TMEM117: variants seen among roughly 807,000 people sequenced by gnomAD.
The protein encoded by TMEM117 is transmembrane protein 117.
Under a neutral mutation model 52.4 loss-of-function variants are expected in TMEM117, and 27 were observed. The ratio of observed to expected loss-of-function variants is 0.51; its 90% CI spans 0.38 to 0.71. TMEM117 has a LOEUF of 0.71. Ranked by LOEUF, TMEM117 falls within the 30% of genes least tolerant of loss-of-function variation. The pLI is 0.00. For synonymous variants in TMEM117, 215 were observed against 206.3 expected (o/e 1.04, Z -0.36); for missense variants, 556 against 630.5 (o/e 0.88, Z 1.26).
intron 3 of TMEM117, among the ~76,000 whole-genome samples, chr12:44,001,599 A>C (rs958195105): frequency 6.6e-6 from 1 of 152,070 alleles, no homozygotes; most frequent in Non-Finnish European, 1.5e-5. Flanking sequence ...GGATTTGGAC[A>C]GGTCAGGAGG....
intron 4 of TMEM117, among the ~76,000 whole-genome samples, chr12:44,179,005 C>A (rs1487737445): frequency 6.6e-6 from 1 of 152,014 alleles, no homozygotes; most frequent in Non-Finnish European, 1.5e-5. Context: ...ACCAGCCTGG[C>A]CAAAATGGGA....
chr12:43,938,688 A>G (rs1432275826), intron 2 of TMEM117, among the ~76,000 whole-genome samples: 1 of 152,190 alleles, frequency 6.6e-6, no homozygotes, highest in African/African-American at 2.4e-5. Flanking sequence ...GAGAACAGAC[A>G]TGAGAAAAAA....
intron 6 of TMEM117, among the ~76,000 whole-genome samples, chr12:44,301,108 C>T (rs1345561059): frequency 1.3e-5 from 2 of 152,200 alleles, no homozygotes; most frequent in Non-Finnish European, 2.9e-5. Flanking sequence ...GCCCAGTAGA[C>T]TGTTGTCTAA....
At chr12:44,338,175 G>T (rs1170781458) in intron 6 of TMEM117, among the ~76,000 whole-genome samples, 2 of 152,026 alleles carry the variant, frequency 1.3e-5, no homozygotes, top group Non-Finnish European at 2.9e-5. Context: ...ACAATGTCCT[G>T]CTTTAAATTA....
At chr12:44,229,106 A>T (rs899640450) in intron 5 of TMEM117, among the ~76,000 whole-genome samples, 9 of 152,092 alleles carry the variant, frequency 5.9e-5, no homozygotes, top group African/African-American at 1.2e-4. Flanking sequence ...ATCTCCAAAG[A>T]TGACTTAACT....
intron 1 of TMEM117, among the ~76,000 whole-genome samples, chr12:43,840,336 T>C (rs549546199): frequency 1.3e-5 from 2 of 152,366 alleles, no homozygotes; most frequent in East Asian, 3.9e-4. Flanking sequence ...TAAGAGATGC[T>C]TGTAAAGCTC....
intron 2 of TMEM117, among the ~76,000 whole-genome samples, chr12:43,872,916 G>A (rs1943730893): frequency 1.3e-5 from 2 of 152,220 alleles, no homozygotes; most frequent in South Asian, 2.1e-4. Context: ...AAAAAATGAT[G>A]ATGCAAATGA....
At chr12:44,051,300 G>GGATACTAATAATAAT (rs1946967400) in intron 3 of TMEM117, among the ~76,000 whole-genome samples, 1 of 152,070 alleles carries the variant, frequency 6.6e-6, no homozygotes, top group Non-Finnish European at 1.5e-5. Flanking sequence ...GTGAGAGGGA[G>GGATACTAATAATAAT]GATACTAATA....
At chr12:43,830,711 ACT>A in the TMEM117 span, among the ~76,000 whole-genome samples, 14 of 152,076 alleles carry the variant, frequency 9.2e-5, no homozygotes, top group African/African-American at 3.1e-4. Context: ...TTAGTAAAAA[ACT>A]CTGTGGGACA....
chr12:44,317,399 GT>G (rs1200238178), intron 6 of TMEM117, among the ~76,000 whole-genome samples: 3 of 148,598 alleles, frequency 2.0e-5, no homozygotes, highest in Non-Finnish European at 4.5e-5. Context: ...TTTTGTTTTT[GT>G]TTTTGTTTTT....
chr12:44,040,697 G>A (rs190566501), intron 3 of TMEM117, among the ~76,000 whole-genome samples: 65 of 152,258 alleles, frequency 4.3e-4, no homozygotes, highest in African/African-American at 1.5e-3. Context: ...GTAATGAAAA[G>A]CATCCTTGTA....
At chr12:44,392,744 G>A (rs1039172177), downstream of TMEM117, among the ~76,000 whole-genome samples, 2 of 146,422 alleles carry the variant, frequency 1.4e-5, no homozygotes, top group Non-Finnish European at 3.0e-5. Context: ...TCATTGTTCA[G>A]TTCCCACCTA....
upstream of TMEM117, among the ~76,000 whole-genome samples, chr12:43,834,226 C>T (rs369261019): frequency 9.2e-5 from 14 of 152,128 alleles, no homozygotes; most frequent in East Asian, 5.8e-4. Flanking sequence ...GAAAATATAG[C>T]ATATGGAACC....
chr12:44,290,259 G>A (rs1440608230), intron 5 of TMEM117, among the ~76,000 whole-genome samples: 1 of 151,142 alleles, frequency 6.6e-6, no homozygotes, highest in African/African-American at 2.4e-5. Flanking sequence ...TTATTTTTTT[G>A]CCTCTGCTTT....
At chr12:43,827,735 C>G in the TMEM117 span, among the ~76,000 whole-genome samples, 1 of 152,014 alleles carries the variant, frequency 6.6e-6, no homozygotes, top group Non-Finnish European at 1.5e-5. Context: ...TAGTGTCCTG[C>G]CCCCCACCCA....
chr12:43,876,553 T>C (rs529321298), intron 2 of TMEM117, among the ~76,000 whole-genome samples: 2 of 152,326 alleles, frequency 1.3e-5, no homozygotes, highest in African/African-American at 4.8e-5. Context: ...TATGGTAATA[T>C]CTCACAGCCT....
chr12:43,841,000 G>A (rs1219320170), intron 1 of TMEM117, among the ~76,000 whole-genome samples: 4 of 152,204 alleles, frequency 2.6e-5, no homozygotes, highest in Non-Finnish European at 5.9e-5. Context: ...AGAAAGTAGG[G>A]CTGAGAGGAC....
At chr12:44,290,975 C>T (rs1950696367) in intron 5 of TMEM117, among the ~76,000 whole-genome samples, 1 of 152,136 alleles carries the variant, frequency 6.6e-6, no homozygotes, top group Non-Finnish European at 1.5e-5. Context: ...GGCTATTCAA[C>T]ATCTTCTATA....
chr12:44,147,024 G>C (rs1003017124), intron 4 of TMEM117, among the ~76,000 whole-genome samples: 1 of 152,158 alleles, frequency 6.6e-6, no homozygotes, highest in Non-Finnish European at 1.5e-5. Context: ...TTCTTAGGCA[G>C]CTCTGACTTT....
Sources: allele counts gnomAD v4.1 joint callset (sites outside exome capture counted in the v4.1 genomes callset), GRCh38; gene constraint gnomAD v4.1.1; transcripts MANE v1.5; gene names NCBI Gene and HGNC (gene_info 2026-07-23, HGNC 2026-07-21).